PCDH15: variants seen among roughly 807,000 people sequenced by gnomAD.
PCDH15 encodes protocadherin-15.
A neutral mutation model predicts 178.5 loss-of-function variants in PCDH15; 129 were observed. That is an observed-to-expected ratio of 0.72 (90% CI 0.63 to 0.84). PCDH15 has a LOEUF of 0.84. Among genes scored for constraint, PCDH15 ranks in the 40% least tolerant of loss-of-function variants. The pLI is 0.00. For synonymous variants in PCDH15, 800 were observed against 732.0 expected, an observed-to-expected ratio of 1.09 and a Z score of -1.50; for missense variants, 2,230 against 2,099.9, an observed-to-expected ratio of 1.06 and a Z score of -1.21.
intron 1 of PCDH15, among the ~76,000 whole-genome samples, chr10:55,249,725 T>C (rs1440297502): frequency 2.0e-5 from 3 of 152,068 alleles, no homozygotes; most frequent in Non-Finnish European, 2.9e-5. Context: ...AACAAATATA[T>C]GTTACACTTG....
intron 20 of PCDH15, among the ~76,000 whole-genome samples, chr10:54,004,036 C>A (rs1205498876): frequency 2.0e-5 from 3 of 151,886 alleles, no homozygotes; most frequent in African/African-American, 7.3e-5. Context: ...AAGAGAAAAA[C>A]CATATGATCA....
intron 21 of PCDH15, among the ~76,000 whole-genome samples, chr10:53,973,299 G>C (rs1297233790): frequency 2.4e-5 from 3 of 123,164 alleles, no homozygotes; most frequent in Non-Finnish European, 5.0e-5. Context: ...CATGGGGTGG[G>C]GGGAGGGGGG....
intron 2 of PCDH15, among the ~76,000 whole-genome samples, chr10:55,493,392 C>T (rs1045576358): frequency 5.3e-5 from 8 of 151,350 alleles, no homozygotes; most frequent in Non-Finnish European, 4.4e-5. Context: ...CTTGTCACTA[C>T]AAAATATTAG....
At chr10:54,451,523 C>G (rs1426214169) in intron 3 of PCDH15, among the ~76,000 whole-genome samples, 3 of 151,872 alleles carry the variant, frequency 2.0e-5, no homozygotes, top group African/African-American at 4.8e-5. Context: ...GTCATTTTCT[C>G]TAATAGCTTG....
intron 1 of PCDH15, among the ~76,000 whole-genome samples, chr10:54,797,063 T>G (rs1372557772): frequency 1.3e-5 from 2 of 151,988 alleles, no homozygotes; most frequent in Non-Finnish European, 2.9e-5. Flanking sequence ...ATGCACTTCA[T>G]TGCACACACC....
chr10:55,202,253 G>T (rs539342436), intron 1 of PCDH15, among the ~76,000 whole-genome samples: 4 of 152,046 alleles, frequency 2.6e-5, no homozygotes, highest in African/African-American at 9.7e-5. Context: ...CCAAGATGGC[G>T]AGTCAAAAAG....
Position 55,596,310 on chromosome 10 carries a change from C to A in PCDH15, c.-156+31315G>T, listed in dbSNP as rs183359150. ...TTGATCCTACTTTTTTTTCTTTGCT[C>A]GTTTTAATAAAGGATGAACCAATAT... On this transcript the variant is annotated intron_variant, in intron 2 of 5. Transcript: ENST00000613346. 4.6e-3 allele frequency among the ~76,000 whole-genome samples: 704 copies of A among 151,934 alleles called. 6 individuals carry two copies. Among genetic ancestry groups the A allele is most frequent in the African/African-American group, 0.016 (671 of 41,484 alleles).
chr10:54,218,506 T>C (rs1247931060), intron 9 of PCDH15, among the ~76,000 whole-genome samples: 1 of 151,296 alleles, frequency 6.6e-6, no homozygotes, highest in Non-Finnish European at 1.5e-5. Flanking sequence ...GGTGTTCTCT[T>C]TGTCTCTCTT....
At chr10:55,454,209 G>A (rs75220019) in intron 2 of PCDH15, among the ~76,000 whole-genome samples, 5,818 of 152,016 alleles carry the variant, frequency 0.038, 362 homozygotes, top group African/African-American at 0.13. Flanking sequence ...GATACTATGT[G>A]CCATTTAAAG....
rs543406373 is a variant in PCDH15, at chr10:54,096,903, T to C, written c.1918-6840A>G. 8.5e-5 allele frequency among the ~76,000 whole-genome samples: 13 copies of C among 152,374 alleles called. No homozygotes were observed. The South Asian group carries it at 2.7e-3, about 32-fold the overall frequency. On this transcript the variant is annotated intron_variant, in intron 15 of 37. Transcript: ENST00000644397. Reference sequence around the variant, plus strand: ...TACTCTTTCTCTAACAGTCTTTTAATTTTGGCTAATGACAAATCAATGTTT... The same window carrying C: ...TACTCTTTCTCTAACAGTCTTTTAACTTTGGCTAATGACAAATCAATGTTT...
At chr10:55,031,927 A>T (rs1312045164) in intron 2 of PCDH15, among the ~76,000 whole-genome samples, 2 of 152,218 alleles carry the variant, frequency 1.3e-5, no homozygotes, top group Non-Finnish European at 2.9e-5. Flanking sequence ...ACAGAAATTG[A>T]TACAGGGATT....
intron 2 of PCDH15, chr10:54,606,716 G>A (rs1368564125): frequency 1.3e-5 from 2 of 152,064 alleles, no homozygotes; most frequent in Admixed American, 6.6e-5. Context: ...TCTGTAGGCT[G>A]AAGGGTTTTC....
intron 2 of PCDH15, among the ~76,000 whole-genome samples, chr10:55,144,405 T>G (rs548864167): frequency 3.8e-4 from 58 of 152,278 alleles, no homozygotes; most frequent in South Asian, 1.4e-3. Context: ...ACTGGCTTTC[T>G]TGCTGCCTTG....
In PCDH15 at chr10:55,376,746, G is replaced by A. The variant is rs77937818; in HGVS notation, c.-155-210095C>T. Among the ~76,000 whole-genome samples the A allele has an allele frequency of 2.7e-3, 413 of 151,988 alleles. 5 individuals are homozygous for A. In the East Asian group the frequency reaches 0.039, roughly 14 times the overall value. On this transcript the variant is annotated intron_variant, in intron 2 of 5. Coordinates refer to the PCDH15 transcript ENST00000613346. Reference sequence around the variant, plus strand: ...TTGGAGAGTCAATACACCTATAAGCGGATTTTTCAAATGAAATTTAACTCT... The same window carrying A: ...TTGGAGAGTCAATACACCTATAAGCAGATTTTTCAAATGAAATTTAACTCT...
At chr10:55,270,786 G>A (rs1025150094) in intron 1 of PCDH15, among the ~76,000 whole-genome samples, 1 of 151,586 alleles carries the variant, frequency 6.6e-6, no homozygotes, top group East Asian at 1.9e-4. Context: ...CCACTACTGA[G>A]TATGTACCCA....
At chr10:54,694,543 T>C (rs1251673136) in intron 1 of PCDH15, among the ~76,000 whole-genome samples, 2 of 152,150 alleles carry the variant, frequency 1.3e-5, no homozygotes, top group Non-Finnish European at 1.5e-5. Context: ...GTTTTTCCAA[T>C]AGCATGTGCT....
chr10:54,994,127 G>T (rs1839577472), intron 2 of PCDH15, among the ~76,000 whole-genome samples: 1 of 152,048 alleles, frequency 6.6e-6, no homozygotes, highest in African/African-American at 2.4e-5. Context: ...TTAAAATTAT[G>T]TAGCTTTTTA....
At chr10:53,820,102 C>G (rs1422215468) in intron 33 of PCDH15, 63 bp downstream of exon 33, 3 of 396,676 alleles carry the variant, frequency 7.6e-6, no homozygotes, top group African/African-American at 2.1e-5. Flanking sequence ...TTGCAAAAAG[C>G]TGGTGTAGAT....
chr10:55,624,254 A>G (rs2461903), intron 2 of PCDH15, among the ~76,000 whole-genome samples: 102,255 of 151,696 alleles, frequency 0.67, 35,084 homozygotes, highest in African/African-American at 0.78. Context: ...CCAGGGTTCC[A>G]AATTCTTAGT....
Sources: allele counts gnomAD v4.1 joint callset (sites outside exome capture counted in the v4.1 genomes callset), GRCh38; gene constraint gnomAD v4.1.1; transcripts MANE v1.5; gene names NCBI Gene and HGNC (gene_info 2026-07-23, HGNC 2026-07-21).